CEP112: variants seen among roughly 807,000 people sequenced by gnomAD.
The protein encoded by CEP112 is centrosomal protein of 112 kDa.
CEP112 carries 127 observed loss-of-function variants against 153.0 expected under a neutral mutation model. The ratio of observed to expected loss-of-function variants is 0.83; its 90% CI spans 0.72 to 0.96. The LOEUF is 0.96. Ranked by LOEUF, CEP112 falls within the 40% of genes least tolerant of loss-of-function variation. The probability of loss-of-function intolerance (pLI) is 0.00; values close to 1 mark genes in which losing one functional copy is unlikely to be tolerated. For missense variants in CEP112, 1,089 were observed against 1,101.2 expected (o/e 0.99, Z 0.16); for synonymous variants, 358 against 374.4 (o/e 0.96, Z 0.51).
chr17:65,646,319 C>A (rs976086369), intron 24 of CEP112, among the ~76,000 whole-genome samples: 1 of 152,064 alleles, frequency 6.6e-6, no homozygotes, highest in Non-Finnish European at 1.5e-5. Flanking sequence ...TAAAATAAGC[C>A]TCTGGAAAAT....
chr17:65,951,749 C>CCCCACCG (rs71160510), intron 18 of CEP112, among the ~76,000 whole-genome samples: 2 of 106,148 alleles, frequency 1.9e-5, no homozygotes, highest in Admixed American at 2.3e-4. Context: ...CCCCGCCCCC[C>CCCCACCG]CCTTTCTTCC....
chr17:66,066,895 A>G lies in CEP112; in HGVS notation c.856-18T>C, dbSNP rs1475728941. Reference sequence around the variant, plus strand: ...TCTAAAATCTGCAAATAAATTTAAAATATTTCAGTATATTGTACTACTTTA... The same window carrying G: ...TCTAAAATCTGCAAATAAATTTAAAGTATTTCAGTATATTGTACTACTTTA... On this transcript the variant is annotated intron_variant, in intron 9 of 26. Transcript: ENST00000535342. The G allele has an allele frequency of 1.4e-6, 2 of 1,429,140 alleles. No homozygotes were observed. Among genetic ancestry groups the G allele is most frequent in the Non-Finnish European group, 1.9e-6 (2 of 1,063,574 alleles). 88.5% of individuals were successfully genotyped at this position (1,429,140 alleles called of 1,614,324 possible). A position where few individuals can be genotyped will look rare whatever the true frequency, so the allele number is the denominator to read the frequency against.
chr17:65,969,231 A>C (rs915631692), intron 17 of CEP112, among the ~76,000 whole-genome samples: 5 of 151,996 alleles, frequency 3.3e-5, no homozygotes, highest in Admixed American at 3.3e-4. Flanking sequence ...ACAGGCATGC[A>C]GTACCACGCC....
intron 16 of CEP112, among the ~76,000 whole-genome samples, chr17:66,007,478 T>C (rs1244762226): frequency 6.6e-6 from 1 of 152,196 alleles, no homozygotes; most frequent in Non-Finnish European, 1.5e-5. Context: ...TATTACAGTG[T>C]TTGGCACATA....
At chr17:65,660,135 C>G (rs751045292) in intron 24 of CEP112, among the ~76,000 whole-genome samples, 1 of 151,142 alleles carries the variant, frequency 6.6e-6, no homozygotes, top group African/African-American at 2.5e-5. Flanking sequence ...AATGGAAAAA[C>G]TAACTCAAGG....
intron 23 of CEP112, among the ~76,000 whole-genome samples, chr17:65,730,573 G>C (rs1300469683): frequency 6.6e-6 from 1 of 152,092 alleles, no homozygotes; most frequent in East Asian, 1.9e-4. Flanking sequence ...TGCATACAGG[G>C]GAGACAGGAA....
At chr17:65,902,063 G>A (rs1253976542) in intron 20 of CEP112, 89 bp downstream of exon 20, 7 of 765,340 alleles carry the variant, frequency 9.1e-6, no homozygotes, top group African/African-American at 1.8e-5. Flanking sequence ...ATCAAACAGC[G>A]TGCATCAATA....
intron 18 of CEP112, among the ~76,000 whole-genome samples, chr17:65,953,186 T>A (rs1423278479): frequency 6.6e-6 from 1 of 152,234 alleles, no homozygotes; most frequent in African/African-American, 2.4e-5. Flanking sequence ...GTAAGAAATA[T>A]GTGTTCTCAG....
At chr17:65,801,663 G>A (rs928494611) in intron 21 of CEP112, among the ~76,000 whole-genome samples, 3 of 152,024 alleles carry the variant, frequency 2.0e-5, no homozygotes, top group South Asian at 2.1e-4. Context: ...GGTTAACAGT[G>A]TTTTTCTTTA....
intron 20 of CEP112, among the ~76,000 whole-genome samples, chr17:65,855,401 C>G (rs2058090060): frequency 6.6e-6 from 1 of 152,160 alleles, no homozygotes; most frequent in African/African-American, 2.4e-5. Flanking sequence ...TTCCCCCTTC[C>G]AAAGGCTTCC....
In CEP112 at chr17:65,635,793, C is replaced by T; in HGVS notation, c.*178G>A. On this transcript the variant is annotated 3_prime_UTR_variant, in exon 27 of 27. Transcript: ENST00000535342. ...ATGTTAAAAAAATAACTTAGGCAGA[C>T]ACAAATAAAACCACCCCACTAGTGT... The T allele has an allele frequency of 1.6e-6, 1 of 606,114 alleles. No homozygotes were observed. The allele number at this position is 606,114 out of a possible 1,614,324, so 37.5% of individuals were successfully genotyped here.
At chr17:66,064,359 TA>T (rs1199870299) in intron 10 of CEP112, among the ~76,000 whole-genome samples, 4 of 152,346 alleles carry the variant, frequency 2.6e-5, no homozygotes, top group African/African-American at 7.2e-5. Flanking sequence ...TTAAATTATA[TA>T]AAATATTTGC....
intron 17 of CEP112, among the ~76,000 whole-genome samples, chr17:65,976,227 T>A (rs539654413): frequency 6.6e-6 from 1 of 152,338 alleles, no homozygotes; most frequent in Admixed American, 6.5e-5. Context: ...GCACATTTAA[T>A]CTAATGAGAA....
At chr17:65,941,408 G>A (rs2061501042) in intron 18 of CEP112, 1 of 152,118 alleles carries the variant, frequency 6.6e-6, no homozygotes, top group South Asian at 2.1e-4. Context: ...AATAACAACT[G>A]ATATTATAAC....
chr17:66,169,756 T>C (rs1020938162), intron 4 of CEP112, among the ~76,000 whole-genome samples: 8 of 152,188 alleles, frequency 5.3e-5, no homozygotes, highest in African/African-American at 1.9e-4. Flanking sequence ...TATATATAGA[T>C]TGCATACTTT....
chr17:65,761,193 TTTTGGTTTCATTGATTTTCTCTA>T (rs2052593813), intron 21 of CEP112, among the ~76,000 whole-genome samples: 1 of 151,994 alleles, frequency 6.6e-6, no homozygotes, highest in Non-Finnish European at 1.5e-5. Flanking sequence ...AAGAACCAGC[TTTTGGTTTCATTGATTTTCTCTA>T]TTGATTTCCT....
chr17:65,851,660 C>T, intron 21 of CEP112, 144 bp downstream of exon 21: 1 of 626,744 alleles, frequency 1.6e-6, no homozygotes, highest in Non-Finnish European at 2.8e-6. Context: ...GAGCAAGATA[C>T]TTAAATTCCT....
chr17:65,669,897 C>G (rs568371373), intron 24 of CEP112, among the ~76,000 whole-genome samples: 2 of 118,470 alleles, frequency 1.7e-5, no homozygotes, highest in African/African-American at 7.2e-5. Context: ...AGCGAGACTT[C>G]GTCTTGAAAA....
At chr17:65,990,477 A>AGCAC (rs2063555762) in intron 17 of CEP112, among the ~76,000 whole-genome samples, 1 of 152,184 alleles carries the variant, frequency 6.6e-6, no homozygotes, top group African/African-American at 2.4e-5. Flanking sequence ...GGAGAAGGAG[A>AGCAC]GCACAGAGAT....
Sources: allele counts gnomAD v4.1 joint callset (sites outside exome capture counted in the v4.1 genomes callset), GRCh38; gene constraint gnomAD v4.1.1; transcripts MANE v1.5; gene names NCBI Gene and HGNC (gene_info 2026-07-23, HGNC 2026-07-21).